Variants in RANBP10 observed in about 807,000 individuals in gnomAD.
RANBP10 encodes the protein RAN binding protein 10.
RANBP10 carries 24 observed loss-of-function variants against 72.8 expected under a neutral mutation model. The ratio of observed to expected loss-of-function variants is 0.33; its 90% confidence interval spans 0.24 to 0.46. The LOEUF (loss-of-function observed/expected upper bound fraction) is 0.46. RANBP10 is among the 20% of genes least tolerant of loss of function. The probability of loss-of-function intolerance (pLI) is 1.00; values close to 1 mark genes in which losing one functional copy is unlikely to be tolerated. For missense variants in RANBP10, 679 were observed against 817.5 expected, an observed-to-expected ratio of 0.83 and a Z score of 2.07; for synonymous variants, 310 against 322.3, an observed-to-expected ratio of 0.96 and a Z score of 0.41.
intron 2 of RANBP10, among the ~76,000 whole-genome samples, chr16:67,784,064 A>G (rs2054863385): frequency 6.6e-6 from 1 of 151,278 alleles, no homozygotes; most frequent in Non-Finnish European, 1.5e-5. Flanking sequence ...AAAAAAAAAA[A>G]GACATCAAAG....
chr16:67,744,281 C>T lies in RANBP10; in HGVS notation c.568+7G>A. The T allele has an allele frequency of 6.2e-7, 1 of 1,612,964 alleles. No homozygotes were observed. The highest frequency in any genetic ancestry group is 8.5e-7 in the Non-Finnish European group (1 of 1,179,236). On this transcript the variant is annotated splice_region_variant and intron_variant, in intron 4 of 13. Transcript: ENST00000317506. ...AGCAGAGCCTCCAAGGTCCCTTATG[C>T]ACACACCAAGGCTGTGGCCATTCTT... is the stretch of plus-strand genomic sequence containing the variant.
rs772520230 is a variant in RANBP10 at position 67,731,400 on chromosome 16, G to A, written c.889+72C>T. 2.3e-6 allele frequency: 3 copies of A among 1,323,822 alleles called. No individual in the cohort carries two copies. The South Asian group carries it at 3.6e-5, about 16-fold the overall frequency. The allele number at this position is 1,323,822 out of a possible 1,614,324, so 82.0% of individuals were successfully genotyped here. On this transcript the variant is annotated intron_variant, in intron 7 of 13. Transcript: ENST00000317506. ...AATGGACTCCTGACAGGTTAACCAG[G>A]GTTGACATGAGCCAGAGAGCAGAGT... is the stretch of plus-strand genomic sequence containing the variant.
At chr16:67,753,285 C>T (rs1304589639) in intron 3 of RANBP10, among the ~76,000 whole-genome samples, 4 of 151,574 alleles carry the variant, frequency 2.6e-5, no homozygotes, top group African/African-American at 4.9e-5. Flanking sequence ...GCAAGTGGAT[C>T]GCTTGAGCCC....
At chr16:67,798,669 CCTTCATCT>C (rs2055176292) in intron 2 of RANBP10, among the ~76,000 whole-genome samples, 1 of 152,180 alleles carries the variant, frequency 6.6e-6, no homozygotes, top group Non-Finnish European at 1.5e-5. Flanking sequence ...ACACCCCATC[CCTTCATCT>C]CTTCATACCA....
intron 3 of RANBP10, among the ~76,000 whole-genome samples, chr16:67,748,351 C>T (rs1316969837): frequency 6.6e-6 from 1 of 151,498 alleles, no homozygotes; most frequent in Non-Finnish European, 1.5e-5. Flanking sequence ...GAAACCCTGT[C>T]TCTACCAAAA....
chr16:67,756,678 G>A (rs542421259), intron 3 of RANBP10, among the ~76,000 whole-genome samples: 138 of 152,090 alleles, frequency 9.1e-4, no homozygotes, highest in African/African-American at 2.9e-3. Context: ...ACCCCAGGCT[G>A]GGCGAAAGAG....
chr16:67,802,886 C>T (rs972987910), intron 2 of RANBP10, among the ~76,000 whole-genome samples: 4 of 152,148 alleles, frequency 2.6e-5, no homozygotes, highest in Non-Finnish European at 4.4e-5. Flanking sequence ...AAAAAAGAAT[C>T]CAGGTCTCTA....
intron 3 of RANBP10, among the ~76,000 whole-genome samples, chr16:67,756,930 C>T (rs143792899): frequency 9.9e-4 from 151 of 152,224 alleles, no homozygotes; most frequent in Non-Finnish European, 1.6e-3. Flanking sequence ...GTGTGCCAGG[C>T]GCAGTGGCTC....
intron 3 of RANBP10, among the ~76,000 whole-genome samples, chr16:67,764,250 C>G (rs1458525770): frequency 6.6e-6 from 1 of 152,218 alleles, no homozygotes; most frequent in Non-Finnish European, 1.5e-5. Flanking sequence ...TCCCAAGCCT[C>G]TCTTCCGAGG....
intron 2 of RANBP10, among the ~76,000 whole-genome samples, chr16:67,800,033 A>G (rs1344943725): frequency 6.6e-6 from 1 of 152,090 alleles, no homozygotes; most frequent in Non-Finnish European, 1.5e-5. Context: ...AGGCAGGGGA[A>G]TCACTTGAAC....
chr16:67,782,581 A>G (rs969010737), intron 2 of RANBP10, among the ~76,000 whole-genome samples: 1 of 151,972 alleles, frequency 6.6e-6, no homozygotes, highest in Non-Finnish European at 1.5e-5. Context: ...CTTCCCAAGT[A>G]GCTGGGACTA....
intron 11 of RANBP10, 57 bp downstream of exon 11, chr16:67,728,333 G>A (rs1357001808): frequency 6.9e-6 from 11 of 1,583,744 alleles, no homozygotes; most frequent in Admixed American, 5.1e-5. Flanking sequence ...CAGGGGAAGA[G>A]GGCACCCAGA....
intron 3 of RANBP10, among the ~76,000 whole-genome samples, chr16:67,767,454 CAAAAAAAAA>C (rs1178049394): frequency 9.7e-4 from 62 of 64,066 alleles, no homozygotes; most frequent in Middle Eastern, 0.01. Flanking sequence ...GACCCTGTTT[CAAAAAAAAA>C]AAAAAAAAAA....
In RANBP10 at chr16:67,725,396, G is replaced by C. The variant is rs1460434625; in HGVS notation, c.*1032C>G. 6.6e-6 allele frequency: 1 copy of C among 152,618 alleles called. No individual in the cohort carries two copies. The highest frequency in any genetic ancestry group is 2.4e-5 in the African/African-American group (1 of 41,468). 9.5% of individuals were successfully genotyped at this position (152,618 alleles called of 1,614,324 possible). ...GCAGCCCCTGTACTCAAGGGCCTCTGTCCTGGGAATGGAGTCTTCTTTCCA... is the reference window on the plus strand; with the variant it reads ...GCAGCCCCTGTACTCAAGGGCCTCTCTCCTGGGAATGGAGTCTTCTTTCCA... On this transcript the variant is annotated 3_prime_UTR_variant, in exon 14 of 14. Transcript: ENST00000317506.
intron 3 of RANBP10, among the ~76,000 whole-genome samples, chr16:67,762,194 G>A (rs1269687618): frequency 2.6e-5 from 4 of 152,192 alleles, no homozygotes; most frequent in South Asian, 2.1e-4. Context: ...GAGCCCAGGA[G>A]TCTGAGGTTA....
intron 2 of RANBP10, among the ~76,000 whole-genome samples, chr16:67,784,320 G>A (rs1410907251): frequency 6.6e-6 from 1 of 152,152 alleles, no homozygotes; most frequent in African/African-American, 2.4e-5. Flanking sequence ...TCAGGAGTTT[G>A]AAACCAGCCT....
chr16:67,755,736 G>A (rs911888370), intron 3 of RANBP10, among the ~76,000 whole-genome samples: 3 of 150,696 alleles, frequency 2.0e-5, no homozygotes, highest in African/African-American at 7.3e-5. Context: ...GCTTGGGTCA[G>A]GCCCTGCAGG....
chr16:67,725,031 C>T lies in RANBP10; in HGVS notation c.*1397G>A, dbSNP rs2053575748. ...CCCAAGTCCTGGCAACCATCTCAGT[C>T]TTTCCTTTCCTGATTCCCCAATGGT... On this transcript the variant is annotated 3_prime_UTR_variant, in exon 14 of 14. Transcript: ENST00000317506. 6.5e-6 allele frequency: 1 copy of T among 152,944 alleles called. No homozygotes were observed. The highest frequency in any genetic ancestry group is 1.5e-5 in the Non-Finnish European group (1 of 68,256). The allele number at this position is 152,944 out of a possible 1,614,324, so 9.5% of individuals were successfully genotyped here. A position where few individuals can be genotyped will look rare whatever the true frequency, so the allele number is the denominator to read the frequency against.
intron 3 of RANBP10, among the ~76,000 whole-genome samples, chr16:67,753,760 G>A (rs890559493): frequency 6.6e-6 from 1 of 152,170 alleles, no homozygotes; most frequent in Non-Finnish European, 1.5e-5. Context: ...CCAGGTGTGG[G>A]TGCAGCTAAT....
Sources: gnomAD v4.1 joint callset for allele counts (sites outside exome capture counted in the v4.1 genomes callset) on GRCh38, gnomAD v4.1.1 for gene constraint, MANE v1.5 for transcripts, NCBI Gene and HGNC (gene_info 2026-07-23, HGNC 2026-07-21) for gene names.